Variants in NALF1 observed in about 807,000 individuals in gnomAD.
NALF1 encodes the protein family with sequence similarity 155 member A.
In NALF1, 3 loss-of-function variants were observed where a neutral mutation model predicts 48.4. The ratio of observed to expected loss-of-function variants is 0.06; its 90% CI spans 0.03 to 0.16. The LOEUF (loss-of-function observed/expected upper bound fraction) is 0.16, where lower values mean the gene tolerates loss of function less well. NALF1 is among the 10% of genes least tolerant of loss of function. The pLI is 1.00. For synonymous variants in NALF1, 262 were observed against 245.7 expected, an observed-to-expected ratio of 1.07 and a Z score of -0.62; for missense variants, 526 against 571.5, an observed-to-expected ratio of 0.92 and a Z score of 0.81.
At chr13:107,636,518 C>G (rs548503181) in intron 1 of NALF1, among the ~76,000 whole-genome samples, 34 of 152,130 alleles carry the variant, frequency 2.2e-4, no homozygotes, top group African/African-American at 7.2e-4. Context: ...AAAGATAAAC[C>G]CTTTTCACTA....
intron 1 of NALF1, among the ~76,000 whole-genome samples, chr13:107,295,468 A>C (rs1236677207): frequency 6.6e-6 from 1 of 152,104 alleles, no homozygotes; most frequent in African/African-American, 2.4e-5. Context: ...GACATCTCAG[A>C]TTCTCCACCT....
chr13:107,815,401 T>C (rs2138610825), intron 1 of NALF1, among the ~76,000 whole-genome samples: 1 of 152,232 alleles, frequency 6.6e-6, no homozygotes, highest in Middle Eastern at 3.4e-3. Flanking sequence ...CAATAAATTC[T>C]TGAAGAGCAA....
intron 1 of NALF1, among the ~76,000 whole-genome samples, chr13:107,254,952 T>C (rs553753532): frequency 4.6e-5 from 7 of 152,362 alleles, no homozygotes; most frequent in Non-Finnish European, 1.0e-4. Context: ...TACTTCATCT[T>C]TCCTTTCAAA....
At chr13:107,242,190 G>A (rs1456604022) in intron 1 of NALF1, among the ~76,000 whole-genome samples, 3 of 152,102 alleles carry the variant, frequency 2.0e-5, no homozygotes, top group Non-Finnish European at 2.9e-5. Context: ...GAGGGTCTTC[G>A]ACAATCCTTG....
In NALF1 at chr13:107,346,223, C is replaced by T. The variant is rs117585599; in HGVS notation, c.916-135468G>A. Among the ~76,000 whole-genome samples, 8 of 152,076 alleles carry T rather than the reference C, an allele frequency of 5.3e-5. No individual in the cohort carries two copies. In the East Asian group the frequency reaches 1.4e-3, roughly 26 times the overall value. The stretch of plus-strand genomic sequence containing the variant: ...CTATTATGGAAAACAGCAAGAAAGG[C>T]CCTCAAAATTAAAGATAGAACTCCC... On this transcript the variant is annotated intron_variant, in intron 1 of 2. Coordinates refer to ENST00000375915, the MANE Select transcript of NALF1 (RefSeq NM_001080396.3).
chr13:107,794,408 G>A (rs1878347121), intron 1 of NALF1, among the ~76,000 whole-genome samples: 1 of 151,356 alleles, frequency 6.6e-6, no homozygotes, highest in South Asian at 2.1e-4. Flanking sequence ...GAAAGAGGGA[G>A]ACAAGGTATG....
intron 1 of NALF1, among the ~76,000 whole-genome samples, chr13:107,861,259 A>T (rs959608803): frequency 1.3e-5 from 2 of 152,228 alleles, no homozygotes; most frequent in Admixed American, 1.3e-4. Context: ...CAATAAAAAA[A>T]AATTTTAAGT....
At chr13:107,790,339 A>C (rs942166433) in intron 1 of NALF1, among the ~76,000 whole-genome samples, 2 of 152,262 alleles carry the variant, frequency 1.3e-5, no homozygotes, top group Non-Finnish European at 2.9e-5. Flanking sequence ...ACTCTTAAAT[A>C]GGCAACAAAT....
At chr13:107,723,603 G>T (rs1876053448) in intron 1 of NALF1, among the ~76,000 whole-genome samples, 1 of 152,182 alleles carries the variant, frequency 6.6e-6, no homozygotes, top group Admixed American at 6.5e-5. Flanking sequence ...AGAGAATATT[G>T]CAGGCCAGTG....
At chr13:107,385,203 C>A (rs1883506539) in intron 1 of NALF1, among the ~76,000 whole-genome samples, 1 of 152,154 alleles carries the variant, frequency 6.6e-6, no homozygotes, top group African/African-American at 2.4e-5. Context: ...AGTATTTCCT[C>A]CTCCTTTGGT....
chr13:107,359,853 T>A (rs532256636), intron 1 of NALF1, among the ~76,000 whole-genome samples: 9 of 152,160 alleles, frequency 5.9e-5, no homozygotes, highest in Non-Finnish European at 1.2e-4. Context: ...CCACCTTCAA[T>A]TATAATTTGT....
chr13:107,465,296 C>T (rs916505499), intron 1 of NALF1, among the ~76,000 whole-genome samples: 10 of 130,222 alleles, frequency 7.7e-5, no homozygotes, highest in African/African-American at 2.1e-4. Context: ...ATATATACTA[C>T]GAATCAAACT....
chr13:107,385,031 T>G lies in NALF1; in HGVS notation c.916-174276A>C, dbSNP rs183864345. On this transcript the variant is annotated intron_variant, in intron 1 of 2. Transcript: ENST00000375915. The stretch of plus-strand genomic sequence containing the variant: ...AATATCCATACCCACTTCATGTGGT[T>G]GTAAAACTAAATTATATAATCAACA... 5.3e-5 allele frequency among the ~76,000 whole-genome samples: 8 copies of G among 152,354 alleles called. No individual in the cohort carries two copies. In the East Asian group the frequency reaches 1.5e-3, roughly 29 times the overall value.
intron 1 of NALF1, among the ~76,000 whole-genome samples, chr13:107,508,204 C>T (rs1047188417): frequency 1.3e-5 from 2 of 151,864 alleles, no homozygotes; most frequent in African/African-American, 4.8e-5. Flanking sequence ...CCTTTAAAAG[C>T]AATGTTTCAG....
intron 1 of NALF1, among the ~76,000 whole-genome samples, chr13:107,685,110 C>T (rs1417506941): frequency 2.0e-5 from 3 of 152,114 alleles, no homozygotes; most frequent in African/African-American, 4.8e-5. Context: ...GTCAGGAGTT[C>T]GAGACCAGCC....
At chr13:107,253,501 C>T (rs1051337258) in intron 1 of NALF1, among the ~76,000 whole-genome samples, 1 of 152,140 alleles carries the variant, frequency 6.6e-6, no homozygotes, top group Non-Finnish European at 1.5e-5. Flanking sequence ...CCACATTGAG[C>T]TGGGGAAAGT....
intron 1 of NALF1, among the ~76,000 whole-genome samples, chr13:107,382,485 A>G (rs891805747): frequency 6.6e-6 from 1 of 152,138 alleles, no homozygotes; most frequent in African/African-American, 2.4e-5. Context: ...GTTACCCTTC[A>G]CTCAGCTTCT....
chr13:107,757,430 T>C (rs1282813528), intron 1 of NALF1, among the ~76,000 whole-genome samples: 1 of 150,398 alleles, frequency 6.6e-6, no homozygotes, highest in Non-Finnish European at 1.5e-5. Context: ...TTTTTTTTTT[T>C]TTTTCAGTCA....
intron 1 of NALF1, among the ~76,000 whole-genome samples, chr13:107,523,444 C>T (rs933674966): frequency 1.3e-5 from 2 of 152,032 alleles, no homozygotes; most frequent in Admixed American, 6.6e-5. Flanking sequence ...CATATGTATA[C>T]ATGTGCCATG....
Sources: allele counts gnomAD v4.1 joint callset (sites outside exome capture counted in the v4.1 genomes callset), GRCh38; gene constraint gnomAD v4.1.1; transcripts MANE v1.5; gene names NCBI Gene and HGNC (gene_info 2026-07-23, HGNC 2026-07-21).